Variants in ARHGAP24 observed in about 807,000 individuals in gnomAD.
ARHGAP24 encodes the protein rho GTPase-activating protein 24.
A neutral mutation model predicts 76.4 loss-of-function variants in ARHGAP24; 50 were observed. The ratio of observed to expected loss-of-function variants is 0.65; its 90% CI spans 0.52 to 0.83. The LOEUF is 0.83. Ranked by LOEUF, ARHGAP24 falls within the 40% of genes least tolerant of loss-of-function variation. The probability of loss-of-function intolerance (pLI) is 0.00; values close to 1 mark genes in which losing one functional copy is unlikely to be tolerated. For synonymous variants in ARHGAP24, 345 were observed against 323.3 expected (o/e 1.07, Z -0.72); for missense variants, 930 against 914.2 (o/e 1.02, Z -0.22).
At chr4:85,997,307 TGATA>T (rs902963720) in intron 9 of ARHGAP24, among the ~76,000 whole-genome samples, 80 of 147,996 alleles carry the variant, frequency 5.4e-4, no homozygotes, top group African/African-American at 1.3e-3. Context: ...GGTAGGTAGA[TGATA>T]GATAGATAGA....
intron 3 of ARHGAP24, among the ~76,000 whole-genome samples, chr4:85,772,771 G>A (rs2110079629): frequency 6.6e-6 from 1 of 152,266 alleles, no homozygotes; most frequent in East Asian, 1.9e-4. Context: ...TGGACATGCT[G>A]ATGCCTAGGA....
chr4:85,954,530 A>G (rs1424894457), intron 5 of ARHGAP24, among the ~76,000 whole-genome samples: 1 of 152,236 alleles, frequency 6.6e-6, no homozygotes, highest in Non-Finnish European at 1.5e-5. Context: ...TCAAGAGAAT[A>G]TCCTAATACC....
chr4:85,885,409 T>C (rs139556965), intron 3 of ARHGAP24, among the ~76,000 whole-genome samples: 1,995 of 152,196 alleles, frequency 0.013, 51 homozygotes, highest in African/African-American at 0.046. Flanking sequence ...TCATAGTACA[T>C]TATCTATAGA....
chr4:85,932,084 G>C (rs966902091), intron 4 of ARHGAP24, among the ~76,000 whole-genome samples: 4 of 152,108 alleles, frequency 2.6e-5, no homozygotes, highest in Non-Finnish European at 4.4e-5. Flanking sequence ...CCTTTGCGTA[G>C]CTAAGACCTG....
intron 3 of ARHGAP24, among the ~76,000 whole-genome samples, chr4:85,808,535 G>A (rs541476853): frequency 6.6e-6 from 1 of 152,272 alleles, no homozygotes; most frequent in South Asian, 2.1e-4. Flanking sequence ...GTCCCAGGGA[G>A]GGGTGGTCTG....
rs142337473 is a variant in ARHGAP24 at position 85,740,531 on chromosome 4, T to C, written c.268+18559T>C. 3.7e-3 allele frequency among the ~76,000 whole-genome samples: 557 copies of C among 152,322 alleles called. 6 individuals carry two copies. The highest frequency in any genetic ancestry group is 0.013 in the African/African-American group (529 of 41,584). On this transcript the variant is annotated intron_variant, in intron 3 of 9. Coordinates refer to ENST00000395184, the MANE Select transcript of ARHGAP24 (RefSeq NM_001025616.3). ...GCCGATATTCTTTATTAGTCATCTTTTTCATATCTATTACAGAGTTTTCTA... is the reference window on the plus strand; with the variant it reads ...GCCGATATTCTTTATTAGTCATCTTCTTCATATCTATTACAGAGTTTTCTA...
chr4:85,972,192 A>G, intron 6 of ARHGAP24, 24 bp downstream of exon 6: 1 of 1,612,270 alleles, frequency 6.2e-7, no homozygotes, highest in Non-Finnish European at 8.5e-7. Context: ...TTTATTTCCA[A>G]ATAAGCTTTT....
intron 6 of ARHGAP24, among the ~76,000 whole-genome samples, chr4:85,972,836 A>T (rs1020061805): frequency 6.6e-6 from 1 of 152,002 alleles, no homozygotes; most frequent in Non-Finnish European, 1.5e-5. Flanking sequence ...GAATCATTCA[A>T]TGTTTTTTTG....
chr4:85,728,317 A>G (rs541980137), intron 3 of ARHGAP24, among the ~76,000 whole-genome samples: 1 of 151,720 alleles, frequency 6.6e-6, no homozygotes, highest in Admixed American at 6.6e-5. Context: ...AAATGCAATC[A>G]TTGACTGTAG....
At chr4:85,698,517 T>C (rs1450996332) in intron 2 of ARHGAP24, among the ~76,000 whole-genome samples, 1 of 152,222 alleles carries the variant, frequency 6.6e-6, no homozygotes, top group Non-Finnish European at 1.5e-5. Flanking sequence ...CCTGGCTTCA[T>C]AGGCTCACAT....
At chr4:85,858,855 A>G (rs1435597522) in intron 3 of ARHGAP24, among the ~76,000 whole-genome samples, 1 of 152,080 alleles carries the variant, frequency 6.6e-6, no homozygotes, top group East Asian at 1.9e-4. Flanking sequence ...ATCTGGTAGT[A>G]ATAAAAATAA....
chr4:85,681,012 G>C (rs1723183544), intron 2 of ARHGAP24, among the ~76,000 whole-genome samples: 1 of 152,040 alleles, frequency 6.6e-6, no homozygotes, highest in East Asian at 1.9e-4. Flanking sequence ...CTGGAATCCA[G>C]AAATGTGTCT....
chr4:85,763,919 A>G (rs1029557438), intron 3 of ARHGAP24, among the ~76,000 whole-genome samples: 1 of 152,190 alleles, frequency 6.6e-6, no homozygotes, highest in Non-Finnish European at 1.5e-5. Flanking sequence ...CAGAATTGAT[A>G]TTTACATTAA....
intron 1 of ARHGAP24, among the ~76,000 whole-genome samples, chr4:85,511,061 T>G (rs551634371): frequency 6.6e-5 from 10 of 152,216 alleles, no homozygotes; most frequent in Non-Finnish European, 1.2e-4. Context: ...CAAAGAATCC[T>G]TTTTGAAAAT....
intron 2 of ARHGAP24, among the ~76,000 whole-genome samples, chr4:85,590,518 C>T (rs1438234252): frequency 6.6e-6 from 1 of 151,816 alleles, no homozygotes; most frequent in Non-Finnish European, 1.5e-5. Flanking sequence ...TGCCACCACG[C>T]CTAGTTAATT....
At chr4:85,983,096 G>T (rs960550896) in intron 8 of ARHGAP24, among the ~76,000 whole-genome samples, 1 of 152,110 alleles carries the variant, frequency 6.6e-6, no homozygotes, top group African/African-American at 2.4e-5. Flanking sequence ...CAAAGGACAT[G>T]ATCTCATTCC....
chr4:85,799,565 G>A (rs1728497454), intron 3 of ARHGAP24, among the ~76,000 whole-genome samples: 1 of 151,898 alleles, frequency 6.6e-6, no homozygotes, highest in Non-Finnish European at 1.5e-5. Flanking sequence ...CAAAGAATAA[G>A]GAATATAGAA....
At chr4:85,791,817 A>C (rs1240699582) in intron 3 of ARHGAP24, among the ~76,000 whole-genome samples, 2 of 152,190 alleles carry the variant, frequency 1.3e-5, no homozygotes, top group African/African-American at 4.8e-5. Flanking sequence ...AAATGCGGAC[A>C]TGGAGGCAAA....
intron 3 of ARHGAP24, among the ~76,000 whole-genome samples, chr4:85,725,903 GT>G (rs1725149939): frequency 2.0e-5 from 3 of 152,164 alleles, no homozygotes; most frequent in Admixed American, 6.5e-5. Context: ...AGCAAGGTCA[GT>G]GGCTTGCCAA....
Sources: allele counts gnomAD v4.1 joint callset (sites outside exome capture counted in the v4.1 genomes callset), GRCh38; gene constraint gnomAD v4.1.1; transcripts MANE v1.5; gene names NCBI Gene and HGNC (gene_info 2026-07-23, HGNC 2026-07-21).